Variants in IL1RAPL2 observed in about 807,000 individuals in gnomAD.
IL1RAPL2 encodes X-linked interleukin-1 receptor accessory protein-like 2.
Under a neutral mutation model 44.1 loss-of-function variants are expected in IL1RAPL2, and 3 were observed. The observed-to-expected ratio is 0.07, with a 90% confidence interval of 0.03 to 0.18. IL1RAPL2 has a LOEUF of 0.18. Ranked by LOEUF, IL1RAPL2 falls within the 10% of genes least tolerant of loss-of-function variation. IL1RAPL2 has a pLI of 1.00. For missense variants in IL1RAPL2, 391 were observed against 496.4 expected, an observed-to-expected ratio of 0.79 and a Z score of 2.02; for synonymous variants, 181 against 178.8, an observed-to-expected ratio of 1.01 and a Z score of -0.10.
At chrX:105,051,556 G>A (rs185559140) in intron 2 of IL1RAPL2, among the ~76,000 whole-genome samples, 208 of 112,745 alleles carry the variant, frequency 1.8e-3, no homozygotes, top group Non-Finnish European at 2.7e-3. Flanking sequence ...TTGGGTGGCC[G>A]TAGCCCCGCC....
At chrX:105,045,761 C>T (rs1182927054) in intron 2 of IL1RAPL2, among the ~76,000 whole-genome samples, 2 of 110,707 alleles carry the variant, frequency 1.8e-5, no homozygotes, top group East Asian at 5.7e-4. Context: ...TGGTGTCTTG[C>T]TATGCTGCCC....
chrX:104,624,369 T>C (rs1034896138), intron 1 of IL1RAPL2, among the ~76,000 whole-genome samples: 3 of 110,505 alleles, frequency 2.7e-5, no homozygotes, highest in Non-Finnish European at 5.7e-5. Flanking sequence ...AAAAAAAATC[T>C]GAACACCTGA....
intron 2 of IL1RAPL2, among the ~76,000 whole-genome samples, chrX:104,672,947 T>A (rs1930647070): frequency 8.9e-6 from 1 of 111,732 alleles, no homozygotes; most frequent in African/African-American, 3.3e-5. Flanking sequence ...TAGGATTGTT[T>A]GTTTTTTTCT....
chrX:105,089,707 A>G (rs1397829115), intron 2 of IL1RAPL2, among the ~76,000 whole-genome samples: 1 of 111,834 alleles, frequency 8.9e-6, no homozygotes, highest in Non-Finnish European at 1.9e-5. Context: ...ATTATGCTCC[A>G]GGCACTCTGC....
At chrX:105,041,451 A>G (rs7058198) in intron 2 of IL1RAPL2, among the ~76,000 whole-genome samples, 7,413 of 110,149 alleles carry the variant, frequency 0.067, 697 homozygotes, top group African/African-American at 0.23. Flanking sequence ...TTTCTGTCTC[A>G]TTGATCTGTC....
At chrX:104,571,881 G>A (rs1391385206) in intron 1 of IL1RAPL2, among the ~76,000 whole-genome samples, 1 of 111,788 alleles carries the variant, frequency 8.9e-6, no homozygotes, top group Non-Finnish European at 1.9e-5. Context: ...CAAATAGTGT[G>A]TTGTTTCCTA....
chrX:105,489,780 TCTC>T (rs372394522), intron 6 of IL1RAPL2, among the ~76,000 whole-genome samples: 148 of 55,362 alleles, frequency 2.7e-3, no homozygotes, highest in African/African-American at 0.012. Flanking sequence ...TTCTTTTCTT[TCTC>T]TCTTTCTCTC....
chrX:104,807,235 C>T (rs1932928856), intron 2 of IL1RAPL2, among the ~76,000 whole-genome samples: 1 of 111,024 alleles, frequency 9.0e-6, no homozygotes, highest in African/African-American at 3.3e-5. Flanking sequence ...TGTTACTTCC[C>T]GACTATTTTG....
At chrX:104,904,462 C>G (rs1431693879) in intron 2 of IL1RAPL2, among the ~76,000 whole-genome samples, 5 of 74,233 alleles carry the variant, frequency 6.7e-5, no homozygotes, top group African/African-American at 2.6e-4. Context: ...CTCCCCCCAC[C>G]CCACAACAGT....
chrX:104,595,015 T>C lies in IL1RAPL2; in HGVS notation c.-20+27964T>C, dbSNP rs1928739005. ...CTAATGGGAATGACAAACCGTCGAA[T>C]GAATGATTTTAAGCTGGAGAGTAAC... On this transcript the variant is annotated intron_variant, in intron 1 of 10. Transcript: ENST00000372582. 2.7e-5 allele frequency among the ~76,000 whole-genome samples: 3 copies of C among 111,938 alleles called. No homozygotes were observed. The South Asian group carries it at 1.1e-3, about 41-fold the overall frequency.
At chrX:104,789,599 A>G (rs1932815728) in intron 2 of IL1RAPL2, among the ~76,000 whole-genome samples, 1 of 112,251 alleles carries the variant, frequency 8.9e-6, no homozygotes, top group African/African-American at 3.2e-5. Context: ...ATAACCACTC[A>G]AGCTACATTC....
chrX:104,749,536 C>G (rs1165186505), intron 2 of IL1RAPL2, among the ~76,000 whole-genome samples: 1 of 111,753 alleles, frequency 8.9e-6, no homozygotes, highest in African/African-American at 3.2e-5. Context: ...ATGTAATTAT[C>G]TTTCATTTAC....
intron 6 of IL1RAPL2, among the ~76,000 whole-genome samples, chrX:105,591,990 A>G (rs2037175138): frequency 9.0e-6 from 1 of 111,015 alleles, no homozygotes; most frequent in African/African-American, 3.3e-5. Flanking sequence ...TGCCTTGATG[A>G]TCTATATAAT....
At chrX:104,585,486 T>C (rs186025277) in intron 1 of IL1RAPL2, among the ~76,000 whole-genome samples, 1 of 84,589 alleles carries the variant, frequency 1.2e-5, no homozygotes, top group East Asian at 3.7e-4. Flanking sequence ...TGTGCAGGTT[T>C]GCTACGTAGG....
intron 2 of IL1RAPL2, among the ~76,000 whole-genome samples, chrX:104,895,455 T>C (rs1341240812): frequency 8.9e-6 from 1 of 112,698 alleles, no homozygotes. Flanking sequence ...TCCTGGCCAC[T>C]TTGTTTACCT....
chrX:105,364,951 G>A (rs2035282541), intron 5 of IL1RAPL2, among the ~76,000 whole-genome samples: 1 of 111,626 alleles, frequency 9.0e-6, no homozygotes, highest in Admixed American at 9.5e-5. Context: ...AATATAAAAG[G>A]CAAGAGTGTA....
intron 2 of IL1RAPL2, among the ~76,000 whole-genome samples, chrX:105,073,270 C>T (rs1369065444): frequency 2.8e-4 from 26 of 92,688 alleles, no homozygotes; most frequent in African/African-American, 9.3e-4. Context: ...GTTCAATTCC[C>T]GCCTATGAGT....
At chrX:105,102,092 A>G (rs2032678516) in intron 2 of IL1RAPL2, among the ~76,000 whole-genome samples, 1 of 111,933 alleles carries the variant, frequency 8.9e-6, no homozygotes, top group Non-Finnish European at 1.9e-5. Context: ...TCTTAGTCCC[A>G]TCTAGTTTTC....
chrX:105,504,987 G>A (rs1313540914), intron 6 of IL1RAPL2, among the ~76,000 whole-genome samples: 2 of 110,952 alleles, frequency 1.8e-5, no homozygotes, highest in Non-Finnish European at 3.8e-5. Context: ...TAGAGGTGTA[G>A]CATACAAGTC....
Sources: gnomAD v4.1 joint callset for allele counts (sites outside exome capture counted in the v4.1 genomes callset) on GRCh38, gnomAD v4.1.1 for gene constraint, MANE v1.5 for transcripts, NCBI Gene and HGNC (gene_info 2026-07-23, HGNC 2026-07-21) for gene names.